The following CASZ1 variants were observed in gnomAD, a reference collection of about 807,000 sequenced individuals.
CASZ1 encodes the protein zinc finger protein castor homolog 1.
A neutral mutation model predicts 135.2 loss-of-function variants in CASZ1; 28 were observed. The ratio of observed to expected loss-of-function variants is 0.21; its 90% CI spans 0.15 to 0.28. The LOEUF is 0.28. CASZ1 is among the 10% of genes least tolerant of loss of function. CASZ1 has a pLI of 1.00. For synonymous variants in CASZ1, 1,068 were observed against 1,073.4 expected, an observed-to-expected ratio of 0.99 and a Z score of 0.10; for missense variants, 2,161 against 2,453.3, an observed-to-expected ratio of 0.88 and a Z score of 2.52.
chr1:10,638,950 A>C lies in CASZ1; in HGVS notation c.5272T>G (p.Ser1758Ala). 1.0e-6 allele frequency: 1 copy of C among 980,234 alleles called. No homozygotes were observed. The highest frequency in any genetic ancestry group is 1.8e-5 in the African/African-American group (1 of 56,440). The allele number at this position is 980,234 out of a possible 1,614,324, so 60.7% of individuals were successfully genotyped here. A position where few individuals can be genotyped will look rare whatever the true frequency, so the allele number is the denominator to read the frequency against. Residue 1758 changes from serine to alanine, a missense_variant, in exon 21 of 21, where the codon TCG becomes GCG. Physicochemically the swap from Ser to Ala is moderately conservative, Grantham distance 99. Coordinates refer to ENST00000377022, the MANE Select transcript of CASZ1 (RefSeq NM_001079843.3). This position sits in a 1 kb window ranked among gnomAD's most constrained non-coding sequence, Gnocchi z 5.9. ...APGPAPTAAS[S>A]P ...GCCACCCGCGGGCGCCGCTAGGGCG[A>C]GGAGGCTGCAGTGGGCGCGGGGCCG...
In CASZ1 at chr1:10,659,716, G is replaced by A. The variant is rs770148283; in HGVS notation, c.1326C>T (p.Thr442=). 5.0e-6 allele frequency: 8 copies of A among 1,613,590 alleles called. No individual in the cohort carries two copies. The highest frequency in any genetic ancestry group is 5.1e-6 in the Non-Finnish European group (6 of 1,179,618). Residue 442 remains threonine, a synonymous_variant, in exon 6 of 21, where the codon ACC becomes ACT. Transcript: ENST00000377022. ...GAGCGCCTTACTTGACAGTGGAGAC[G>A]GTCCCCGTGGTGATGGAGTCTGTTT... ...FSKTDSITTG[T]VSTVKNGLPT... is the part of the protein sequence containing the mutation.
chr1:10,669,796 G>A (rs907607746), intron 4 of CASZ1, among the ~76,000 whole-genome samples: 27 of 152,172 alleles, frequency 1.8e-4, no homozygotes. Context: ...AGGGGGCCGG[G>A]CAGGCCTGGC....
intron 1 of CASZ1, among the ~76,000 whole-genome samples, chr1:10,782,264 C>T (rs1640776133): frequency 6.6e-6 from 1 of 152,160 alleles, no homozygotes; most frequent in Admixed American, 6.5e-5. Context: ...GGGCCATTGG[C>T]GAGAGGGCCT....
At chr1:10,671,308 C>T (rs1057481039) in intron 4 of CASZ1, among the ~76,000 whole-genome samples, 1 of 152,208 alleles carries the variant, frequency 6.6e-6, no homozygotes, top group African/African-American at 2.4e-5. Context: ...CGCGCACAGA[C>T]CGCGTGCATG....
At chr1:10,643,841 C>T (rs1191313986) in intron 18 of CASZ1, among the ~76,000 whole-genome samples, 2 of 152,228 alleles carry the variant, frequency 1.3e-5, no homozygotes, top group African/African-American at 4.8e-5. Flanking sequence ...CTTCTGTCAT[C>T]CCCCAGCTTT....
Position 10,755,900 on chromosome 1 carries a change from C to T in CASZ1, c.-77+4801G>A, listed in dbSNP as rs1373794990. Reference sequence around the variant, plus strand: ...CTGCAGGCCATGGAGCTGCCAGCCTCACATCAGATCAAAGCCCTGGAGGAT... The same window carrying T: ...CTGCAGGCCATGGAGCTGCCAGCCTTACATCAGATCAAAGCCCTGGAGGAT... On this transcript the variant is annotated intron_variant, in intron 2 of 20. Transcript: ENST00000377022. The surrounding 1 kb of genome is among the most constrained non-coding windows in gnomAD (Gnocchi z 4.3). 4.6e-5 allele frequency among the ~76,000 whole-genome samples: 7 copies of T among 151,696 alleles called. No homozygotes were observed. The East Asian group carries it at 1.2e-3, about 25-fold the overall frequency.
intron 15 of CASZ1, 98 bp from the exon 16 acceptor site, chr1:10,648,237 G>A (rs752034123): frequency 2.5e-5 from 21 of 827,798 alleles, no homozygotes; most frequent in Admixed American, 1.5e-4. Context: ...CCCGGTGTCC[G>A]TCCCTACTCG....
At chr1:10,743,043 GAGCAGCCCCCTGAA>G (rs765158026) in intron 2 of CASZ1, among the ~76,000 whole-genome samples, 53 of 152,084 alleles carry the variant, frequency 3.5e-4, no homozygotes, top group Admixed American at 2.0e-3. Context: ...CCTGGGGGTG[GAGCAGCCCCCTGAA>G]AGCAGTACTG....
At chr1:10,748,342 C>T (rs1046480087) in intron 2 of CASZ1, among the ~76,000 whole-genome samples, 7 of 152,208 alleles carry the variant, frequency 4.6e-5, no homozygotes, top group Admixed American at 3.3e-4. Context: ...TTTCCTTTCC[C>T]GTTTCTCAAA....
intron 5 of CASZ1, among the ~76,000 whole-genome samples, chr1:10,662,364 T>A (rs1238282658): frequency 6.7e-6 from 1 of 149,620 alleles, no homozygotes; most frequent in Non-Finnish European, 1.5e-5. Flanking sequence ...AACACACATG[T>A]GCATTCTCAT....
In CASZ1 at chr1:10,720,556, A is replaced by G. The variant is rs1281743745; in HGVS notation, c.-76-15012T>C. On this transcript the variant is annotated intron_variant, in intron 2 of 20. Coordinates refer to ENST00000377022, the MANE Select transcript of CASZ1 (RefSeq NM_001079843.3). This position sits in a 1 kb window ranked among gnomAD's most constrained non-coding sequence, Gnocchi z 5.7. ...GAGGGGAAGGTGGGAAGACTTGGGC[A>G]GTCCCATTTGCCTATCAAAAACTGT... is the stretch of plus-strand genomic sequence containing the variant. Among the ~76,000 whole-genome samples the G allele has an allele frequency of 6.6e-6, 1 of 152,220 alleles. No individual in the cohort carries two copies. Among genetic ancestry groups the G allele is most frequent in the African/African-American group, 2.4e-5 (1 of 41,452 alleles).
In CASZ1 at chr1:10,706,593, C is replaced by T. The variant is rs575631820; in HGVS notation, c.-76-1049G>A. On this transcript the variant is annotated intron_variant, in intron 2 of 20. Coordinates refer to ENST00000377022, the MANE Select transcript of CASZ1 (RefSeq NM_001079843.3). This position sits in a 1 kb window ranked among gnomAD's most constrained non-coding sequence, Gnocchi z 4.3. ...CTCCCGGAATGCCACCCAGTCCCAC[C>T]GCCCGCTCTCCGGTTCCCAGGACAT... is the stretch of plus-strand genomic sequence containing the variant. Among the ~76,000 whole-genome samples, 72 of 152,306 alleles carry T rather than the reference C, an allele frequency of 4.7e-4. 4 individuals are homozygous for T. The highest frequency in any genetic ancestry group is 1.2e-3 in the African/African-American group (50 of 41,568).
At chr1:10,686,179 G>A (rs1037948987) in intron 4 of CASZ1, among the ~76,000 whole-genome samples, 4 of 152,152 alleles carry the variant, frequency 2.6e-5, no homozygotes, top group East Asian at 1.9e-4. Flanking sequence ...GCCCTTGGCC[G>A]AACCACTGTA....
chr1:10,753,251 G>A (rs938569530), intron 2 of CASZ1, among the ~76,000 whole-genome samples: 2 of 152,122 alleles, frequency 1.3e-5, no homozygotes, highest in African/African-American at 4.8e-5. Flanking sequence ...CAGTTCCTAC[G>A]GGGTGAGCAG....
intron 2 of CASZ1, among the ~76,000 whole-genome samples, chr1:10,746,121 G>A (rs1244137231): frequency 1.3e-5 from 2 of 152,254 alleles, no homozygotes; most frequent in South Asian, 2.1e-4. Context: ...CTCGAGGCAG[G>A]GCGAAGCTGA....
rs1290829063 is a variant in CASZ1 at position 10,639,667 on chromosome 1, G to A, written c.4555C>T (p.Arg1519Cys). Reference sequence around the variant, plus strand: ...CTGTCGGTGCAGCGGAAGCGGCAGCGCAGGCAGTGGAAGTGCGTGCTGGTG... The same window carrying A: ...CTGTCGGTGCAGCGGAAGCGGCAGCACAGGCAGTGGAAGTGCGTGCTGGTG... ...SGTSTHFHCL[R>C]CRFRCTDSTK... The change falls in exon 21 of 21, where the codon CGC becomes TGC. Residue 1519 changes from arginine to cysteine, a missense_variant. Arg to Cys is a radical substitution (Grantham distance 180). Around this residue, in one of 7 missense-constraint regions of CASZ1, gnomAD observed 240 missense variants for 321.4 expected, o/e 0.75. Transcript: ENST00000377022. This position sits in a 1 kb window ranked among gnomAD's most constrained non-coding sequence, Gnocchi z 4.0. 2 of 1,600,964 alleles carry A rather than the reference G, an allele frequency of 1.2e-6. No individual in the cohort carries two copies. The highest frequency in any genetic ancestry group is 3.4e-5 in the Admixed American group (2 of 58,294).
chr1:10,741,615 C>G lies in CASZ1; in HGVS notation c.-77+19086G>C, dbSNP rs960113452. On this transcript the variant is annotated intron_variant, in intron 2 of 20. Coordinates refer to ENST00000377022, the MANE Select transcript of CASZ1 (RefSeq NM_001079843.3). The surrounding 1 kb of genome is among the most constrained non-coding windows in gnomAD (Gnocchi z 5.0). ...TTATTATCCGGGAGAAAAACAAACCCAACCACCGAAACTCACCCTCAACTG... is the reference window on the plus strand; with the variant it reads ...TTATTATCCGGGAGAAAAACAAACCGAACCACCGAAACTCACCCTCAACTG... 6.6e-6 allele frequency among the ~76,000 whole-genome samples: 1 copy of G among 152,100 alleles called. No homozygotes were observed. The highest frequency in any genetic ancestry group is 1.5e-5 in the Non-Finnish European group (1 of 68,016).
chr1:10,671,769 T>C (rs1643408050), intron 4 of CASZ1, among the ~76,000 whole-genome samples: 1 of 152,226 alleles, frequency 6.6e-6, no homozygotes, highest in African/African-American at 2.4e-5. Flanking sequence ...TGCCCGAGGC[T>C]GGCACACCCC....
At chr1:10,661,753 T>TAC (rs1643036082) in intron 5 of CASZ1, among the ~76,000 whole-genome samples, 1 of 138,514 alleles carries the variant, frequency 7.2e-6, no homozygotes, top group Non-Finnish European at 1.5e-5. Flanking sequence ...TGCATTCTCA[T>TAC]ACTCTCACCC....
Sources: gnomAD v4.1 joint callset for allele counts (sites outside exome capture counted in the v4.1 genomes callset) on GRCh38, gnomAD v4.1.1 for gene constraint, gnomAD v4.1.1 regional missense constraint, Gnocchi (gnomAD v3.1) non-coding constraint, MANE v1.5 for transcripts, NCBI Gene and HGNC (gene_info 2026-07-23, HGNC 2026-07-21) for gene names.